SDR16C5: variants seen among roughly 807,000 people sequenced by gnomAD.
SDR16C5 encodes epidermal retinol dehydrogenase 2.
Under a neutral mutation model 27.7 loss-of-function variants are expected in SDR16C5, and 20 were observed. That is an observed-to-expected ratio of 0.72 (90% CI 0.51 to 1.05). SDR16C5 has a LOEUF of 1.05. SDR16C5 is among the 50% of genes least tolerant of loss of function. The pLI is 0.00. For synonymous variants in SDR16C5, 139 were observed against 132.3 expected (o/e 1.05, Z -0.35); for missense variants, 374 against 366.3 (o/e 1.02, Z -0.17).
chr8:56,300,264 G>T lies in SDR16C5; in HGVS notation c.*1216C>A, dbSNP rs750519907. The T allele has an allele frequency of 2.0e-5, 3 of 151,950 alleles. No individual in the cohort carries two copies. The highest frequency in any genetic ancestry group is 7.2e-5 in the African/African-American group (3 of 41,406). 9.4% of individuals were successfully genotyped at this position (151,950 alleles called of 1,614,324 possible). On this transcript the variant is annotated 3_prime_UTR_variant, in exon 7 of 7. Coordinates refer to ENST00000303749, the MANE Select transcript of SDR16C5 (RefSeq NM_138969.4). Reference sequence around the variant, plus strand: ...AGGCCACTCAAGGTAAACCATAGTGGATTCCAGAGTTTACACCCCCTGAGA... The same window carrying T: ...AGGCCACTCAAGGTAAACCATAGTGTATTCCAGAGTTTACACCCCCTGAGA...
At chr8:56,308,450 T>C (rs556374941) in intron 4 of SDR16C5, among the ~76,000 whole-genome samples, 4 of 152,162 alleles carry the variant, frequency 2.6e-5, no homozygotes, top group Non-Finnish European at 5.9e-5. Context: ...GAGATGAAAA[T>C]GCCCACCACT....
intron 1 of SDR16C5, among the ~76,000 whole-genome samples, chr8:56,317,180 G>C (rs1177072897): frequency 6.6e-6 from 1 of 152,110 alleles, no homozygotes; most frequent in Non-Finnish European, 1.5e-5. Flanking sequence ...TGTTTTTGCA[G>C]ATGAAATGAG....
intron 1 of SDR16C5, among the ~76,000 whole-genome samples, chr8:56,317,123 A>G (rs965653198): frequency 1.1e-4 from 17 of 152,158 alleles, no homozygotes; most frequent in African/African-American, 4.1e-4. Context: ...TCTTGGCCTT[A>G]CACTGGGCCT....
At chr8:56,314,827 T>C (rs769150962) in intron 2 of SDR16C5, among the ~76,000 whole-genome samples, 1 of 152,210 alleles carries the variant, frequency 6.6e-6, no homozygotes, top group Admixed American at 6.5e-5. Flanking sequence ...AACTTTACAA[T>C]GTAGTCAGGC....
chr8:56,312,543 A>T (rs1205392602), intron 2 of SDR16C5, among the ~76,000 whole-genome samples: 1 of 151,914 alleles, frequency 6.6e-6, no homozygotes, highest in African/African-American at 2.4e-5. Flanking sequence ...TGTCTCTATT[A>T]AAATTACAAA....
At chr8:56,304,077 G>A in intron 6 of SDR16C5, 3 of 702,826 alleles carry the variant, frequency 4.3e-6, no homozygotes, top group Non-Finnish European at 7.8e-6. Context: ...TCCTGTGCCA[G>A]ATGAAGCCTG....
rs1332189415 is a variant in SDR16C5, at chr8:56,320,054, C to T, written c.-15+5G>A. On this transcript the variant is annotated splice_donor_5th_base_variant and intron_variant, in intron 1 of 6. Transcript: ENST00000303749. ...CACCCAGGACCGACGACCTCGGCAA[C>T]TTACCCAGGACACTCTCCCTAGCTG... The T allele has an allele frequency of 2.0e-5, 3 of 152,520 alleles. No homozygotes were observed. The highest frequency in any genetic ancestry group is 4.4e-5 in the Non-Finnish European group (3 of 68,328). The allele number at this position is 152,520 out of a possible 1,614,324, so 9.4% of individuals were successfully genotyped here.
intron 6 of SDR16C5, among the ~76,000 whole-genome samples, chr8:56,302,393 G>A (rs573211715): frequency 2.2e-4 from 34 of 152,220 alleles, no homozygotes; most frequent in Admixed American, 1.8e-3. Flanking sequence ...AATTCTCACC[G>A]GCCGGGCGCA....
At chr8:56,312,365 GT>G (rs893697388) in intron 2 of SDR16C5, 77 bp from the exon 3 acceptor site, 19 of 1,349,214 alleles carry the variant, frequency 1.4e-5, no homozygotes, top group African/African-American at 2.9e-5. Flanking sequence ...AGAGTTTTAT[GT>G]TTTTTTTATC....
chr8:56,309,213 GT>G (rs1001015700), intron 3 of SDR16C5, 186 bp from the exon 4 acceptor site: 3 of 808,642 alleles, frequency 3.7e-6, no homozygotes, highest in Non-Finnish European at 4.5e-6. Flanking sequence ...TGTTAAATCA[GT>G]TTTTTATGGC....
intron 6 of SDR16C5, among the ~76,000 whole-genome samples, chr8:56,302,230 G>A (rs1276449550): frequency 6.6e-6 from 1 of 152,154 alleles, no homozygotes; most frequent in Non-Finnish European, 1.5e-5. Context: ...TCCTAAGGTG[G>A]GGGTAAAGGA....
intron 6 of SDR16C5, among the ~76,000 whole-genome samples, chr8:56,302,293 G>T (rs1365722542): frequency 6.6e-6 from 1 of 152,166 alleles, no homozygotes; most frequent in Non-Finnish European, 1.5e-5. Context: ...ATCTCCAGGT[G>T]GTTCATCCCT....
At chr8:56,317,508 C>T (rs1032604721) in intron 1 of SDR16C5, among the ~76,000 whole-genome samples, 1 of 152,090 alleles carries the variant, frequency 6.6e-6, no homozygotes, top group Admixed American at 6.5e-5. Context: ...GGGGTGGGAG[C>T]CTTCTCTGAA....
chr8:56,309,486 A>G lies in SDR16C5; in HGVS notation c.466-459T>C, dbSNP rs1814969745. 1.1e-5 allele frequency: 11 copies of G among 985,276 alleles called. No homozygotes were observed. In the South Asian group the frequency reaches 5.2e-4, roughly 46 times the overall value. The allele number at this position is 985,276 out of a possible 1,614,324, so 61.0% of individuals were successfully genotyped here. A position where few individuals can be genotyped will look rare whatever the true frequency, so the allele number is the denominator to read the frequency against. ...ATTTTAAAAGAGCACTTTGTTTTAAACTCATCTCTTATTTTTGTTCCATTT... is the reference window on the plus strand; with the variant it reads ...ATTTTAAAAGAGCACTTTGTTTTAAGCTCATCTCTTATTTTTGTTCCATTT... On this transcript the variant is annotated intron_variant, in intron 3 of 6. Coordinates refer to ENST00000303749, the MANE Select transcript of SDR16C5 (RefSeq NM_138969.4).
chr8:56,317,738 T>C (rs1815237327), intron 1 of SDR16C5, among the ~76,000 whole-genome samples: 1 of 152,194 alleles, frequency 6.6e-6, no homozygotes, highest in Admixed American at 6.5e-5. Context: ...TCCTGGCTTA[T>C]TGTACAGATG....
At chr8:56,309,492 C>A (rs548095298) in intron 3 of SDR16C5, 2 of 985,254 alleles carry the variant, frequency 2.0e-6, no homozygotes, top group East Asian at 1.1e-4. Flanking sequence ...TTAAACTCAT[C>A]TCTTATTTTT....
intron 2 of SDR16C5, among the ~76,000 whole-genome samples, chr8:56,314,079 C>A (rs767363329): frequency 2.6e-5 from 4 of 152,068 alleles, no homozygotes; most frequent in Admixed American, 6.5e-5. Flanking sequence ...TGGTAGCGTG[C>A]ACCTGTAGTC....
chr8:56,319,634 AGACT>A (rs1815283596), intron 1 of SDR16C5, among the ~76,000 whole-genome samples: 1 of 152,198 alleles, frequency 6.6e-6, no homozygotes, highest in Admixed American at 6.5e-5. Context: ...GAGGGCAGAC[AGACT>A]GACAATCACA....
At chr8:56,311,330 G>A (rs990506783) in intron 3 of SDR16C5, among the ~76,000 whole-genome samples, 10 of 152,120 alleles carry the variant, frequency 6.6e-5, no homozygotes, top group Admixed American at 6.5e-5. Context: ...CACGAGAATC[G>A]CTTGAATCCG....
Sources: gnomAD v4.1 joint callset for allele counts (sites outside exome capture counted in the v4.1 genomes callset) on GRCh38, gnomAD v4.1.1 for gene constraint, MANE v1.5 for transcripts, NCBI Gene and HGNC (gene_info 2026-07-23, HGNC 2026-07-21) for gene names.